Variants in CLPTM1L observed in about 807,000 individuals in gnomAD.
CLPTM1L encodes the protein CLPTM1 like.
Under a neutral mutation model 70.9 loss-of-function variants are expected in CLPTM1L, and 38 were observed. The ratio of observed to expected loss-of-function variants is 0.54; its 90% CI spans 0.41 to 0.70. The LOEUF (loss-of-function observed/expected upper bound fraction) is 0.70, where lower values mean the gene tolerates loss of function less well. Ranked by LOEUF, CLPTM1L falls within the 30% of genes least tolerant of loss-of-function variation. The pLI, the probability that CLPTM1L is intolerant of heterozygous loss-of-function variation, is 0.00. For missense variants in CLPTM1L, 652 were observed against 705.9 expected, an observed-to-expected ratio of 0.92 and a Z score of 0.87; for synonymous variants, 339 against 299.9, an observed-to-expected ratio of 1.13 and a Z score of -1.35.
At chr5:1,335,631 C>T (rs192157328) in intron 5 of CLPTM1L, among the ~76,000 whole-genome samples, 30 of 152,356 alleles carry the variant, frequency 2.0e-4, no homozygotes, top group Admixed American at 1.8e-3. Context: ...TGCCTCAGGG[C>T]CTAAAGCACA....
chr5:1,321,164 T>G (rs138592428), intron 15 of CLPTM1L, among the ~76,000 whole-genome samples: 1 of 152,194 alleles, frequency 6.6e-6, no homozygotes, highest in African/African-American at 2.4e-5. Flanking sequence ...TTCAGAAAAG[T>G]GCAAATCATG....
At chr5:1,319,967 G>A (rs548399449) in intron 16 of CLPTM1L, among the ~76,000 whole-genome samples, 2 of 152,368 alleles carry the variant, frequency 1.3e-5, no homozygotes, top group East Asian at 3.9e-4. Flanking sequence ...GAGGGCAGAT[G>A]TCAGCCCTGG....
chr5:1,332,194 C>T (rs1753139944), intron 7 of CLPTM1L: 1 of 357,138 alleles, frequency 2.8e-6, no homozygotes, highest in South Asian at 3.8e-5. Context: ...GGCTGGGCAC[C>T]CCTGCTCTCG....
chr5:1,320,054 C>A (rs576788453), intron 16 of CLPTM1L, among the ~76,000 whole-genome samples: 16 of 152,354 alleles, frequency 1.1e-4, no homozygotes, highest in Non-Finnish European at 2.1e-4. Flanking sequence ...GGGCCTGAAC[C>A]TCTGCCTTTA....
intron 16 of CLPTM1L, among the ~76,000 whole-genome samples, chr5:1,319,264 C>T (rs779797449): frequency 2.8e-5 from 4 of 145,078 alleles, no homozygotes; most frequent in South Asian, 4.3e-4. Context: ...AACCAAGCCC[C>T]GTGTGAGTGT....
intron 9 of CLPTM1L, among the ~76,000 whole-genome samples, chr5:1,328,132 T>C (rs1172468862): frequency 2.0e-3 from 2 of 976 alleles, no homozygotes; most frequent in Admixed American, 0.012. Context: ...ACACATTCCA[T>C]CCAGCTCCTC....
intron 12 of CLPTM1L, among the ~76,000 whole-genome samples, chr5:1,323,297 G>A (rs113097933): frequency 6.2e-4 from 77 of 123,272 alleles, no homozygotes; most frequent in African/African-American, 1.5e-3. Flanking sequence ...TGGAGGCTCC[G>A]GGATCCCTCT....
chr5:1,331,394 G>A (rs557679780), intron 8 of CLPTM1L: 16 of 240,478 alleles, frequency 6.7e-5, no homozygotes, highest in Admixed American at 1.4e-4. Context: ...TGCGCTGGTC[G>A]GGGAAGGAAC....
At chr5:1,336,792 A>G (rs1290368034) in intron 5 of CLPTM1L, among the ~76,000 whole-genome samples, 3 of 152,296 alleles carry the variant, frequency 2.0e-5, no homozygotes, top group Non-Finnish European at 4.4e-5. Context: ...CAGTGACCCC[A>G]GAAGTGAAGG....
chr5:1,342,826 T>TA lies in CLPTM1L; in HGVS notation c.264-967_264-966insT, dbSNP rs777425058. Among the ~76,000 whole-genome samples the TA allele has an allele frequency of 5.3e-5, 8 of 152,238 alleles. No individual in the cohort carries two copies. The highest frequency in any genetic ancestry group is 1.5e-5 in the Non-Finnish European group (1 of 68,032). ...CTGGTCTTGAACTGCTGGGCTCAAGTGATCCTCCCGCCTTGGCCTCCCAAA... is the reference window on the plus strand; with the variant it reads ...CTGGTCTTGAACTGCTGGGCTCAAGTAGATCCTCCCGCCTTGGCCTCCCAAA... On this transcript the variant is annotated intron_variant, in intron 2 of 16. Transcript: ENST00000320895. This position sits in a 1 kb window ranked among gnomAD's most constrained non-coding sequence, Gnocchi z 4.3.
chr5:1,335,036 C>T, intron 6 of CLPTM1L, 21 bp downstream of exon 6: 1 of 1,597,600 alleles, frequency 6.3e-7, no homozygotes, highest in Non-Finnish European at 8.6e-7. Flanking sequence ...CACCCAGGCG[C>T]CGGCCGTGTG....
rs1330012135 is a variant in CLPTM1L, at chr5:1,335,057, C to T, written c.796G>A (p.Gly266Arg). The T allele has an allele frequency of 3.1e-6, 5 of 1,612,316 alleles. No homozygotes were observed. Among genetic ancestry groups the T allele is most frequent in the East Asian group, 2.2e-5 (1 of 44,876 alleles). ...QDAVYSLQQF[G>R]FSEKDADEVK... ...GGCGCCGGCCGTGTGCGGCACATAC[C>T]GAACTGCTGCAGGGAGTACACGGCG... The change falls in exon 6 of 17, where the codon GGG becomes AGG. Residue 266 changes from glycine (G) to arginine (R), a missense_variant and splice_region_variant. Around this residue, in one of 3 missense-constraint regions of CLPTM1L, gnomAD observed 402 missense variants for 388.2 expected, o/e 1.04. Transcript: ENST00000320895.
At chr5:1,325,850 T>C (rs1489987174) in intron 9 of CLPTM1L, 34 bp from the exon 10 acceptor site, 62 of 1,595,962 alleles carry the variant, frequency 3.9e-5, no homozygotes, top group Non-Finnish European at 5.1e-5. Context: ...GTTCCTTTAA[T>C]ATTCGAAGGC....
At chr5:1,338,467 G>T (rs959909666) in intron 4 of CLPTM1L, 7 of 278,252 alleles carry the variant, frequency 2.5e-5, no homozygotes, top group African/African-American at 4.3e-5. Context: ...CCAAACACGT[G>T]AATTCCAATA....
intron 12 of CLPTM1L, among the ~76,000 whole-genome samples, 156 bp downstream of exon 12, chr5:1,323,628 CCCA>C (rs1752320438): frequency 6.6e-6 from 1 of 152,236 alleles, no homozygotes. Flanking sequence ...AGGCCCAGAG[CCCA>C]CCGTGTGCAG....
intron 5 of CLPTM1L, among the ~76,000 whole-genome samples, chr5:1,336,690 A>G (rs930888209): frequency 6.6e-6 from 1 of 152,250 alleles, no homozygotes; most frequent in Non-Finnish European, 1.5e-5. Context: ...AGGGGCCGAC[A>G]GAGAAACTAC....
At position 1,325,814 on chromosome 5, in the gene CLPTM1L, C is replaced by A. The variant is rs1461664746; in HGVS notation, c.1083G>T (p.Leu361=). The A allele has an allele frequency of 6.2e-7, 1 of 1,613,692 alleles. No homozygotes were observed. ...TCTTCAATGCCTTCTTCACTTTCCA[C>A]AGCTGAGGGGAGAAATCAGGAAATA... is the stretch of plus-strand genomic sequence containing the variant. ...VPAGVGAAIE[L]WKVKKALKMT... The change falls in exon 10 of 17, where the codon CTG becomes CTT. Residue 361 remains leucine (L), a splice_region_variant and synonymous_variant. Transcript: ENST00000320895.
intron 9 of CLPTM1L, among the ~76,000 whole-genome samples, chr5:1,328,827 G>GCATCCAGCTCCTCCTCTGCAGACACATTT (rs1752847065): frequency 1.8e-5 from 1 of 56,202 alleles, no homozygotes; most frequent in Admixed American, 1.9e-4. Flanking sequence ...CAGACACATT[G>GCATCCAGCTCCTCCTCTGCAGACACATTT]CATCCAGCTC....
At chr5:1,320,849 C>T in intron 15 of CLPTM1L, 118 bp from the exon 16 acceptor site, 1 of 568,986 alleles carries the variant, frequency 1.8e-6, no homozygotes, top group East Asian at 3.2e-5. Flanking sequence ...ACTGGAACTC[C>T]TCACAGCAAC....
Sources: allele counts gnomAD v4.1 joint callset (sites outside exome capture counted in the v4.1 genomes callset), GRCh38; gene constraint gnomAD v4.1.1; regional missense constraint gnomAD v4.1.1; non-coding constraint Gnocchi (gnomAD v3.1); transcripts MANE v1.5; gene names NCBI Gene and HGNC (gene_info 2026-07-23, HGNC 2026-07-21).